Variants in PHF21A observed in about 807,000 individuals in gnomAD.
PHF21A encodes PHD finger protein 21A, also known as BHC80a.
Under a neutral mutation model 82.5 loss-of-function variants are expected in PHF21A, and 11 were observed. The observed-to-expected ratio is 0.13, with a 90% CI of 0.08 to 0.22. The LOEUF (loss-of-function observed/expected upper bound fraction) is 0.22, where lower values mean the gene tolerates loss of function less well. PHF21A is among the 10% of genes least tolerant of loss of function. PHF21A has a pLI of 1.00. For synonymous variants in PHF21A, 297 were observed against 302.8 expected, an observed-to-expected ratio of 0.98 and a Z score of 0.20; for missense variants, 579 against 837.8, an observed-to-expected ratio of 0.69 and a Z score of 3.81.
intron 4 of PHF21A, among the ~76,000 whole-genome samples, chr11:46,081,652 T>C (rs1160070376): frequency 6.6e-6 from 1 of 152,244 alleles, no homozygotes; most frequent in Non-Finnish European, 1.5e-5. Context: ...CTAGTAACTT[T>C]AAGCTGACAT....
At chr11:46,018,207 G>A (rs938052761) in intron 6 of PHF21A, among the ~76,000 whole-genome samples, 7 of 144,820 alleles carry the variant, frequency 4.8e-5, no homozygotes, top group African/African-American at 1.0e-4. Context: ...CTGAGATTGC[G>A]CCACTGCACT....
rs1433212497 is a variant in PHF21A at position 45,930,346 on chromosome 11, CAG to C, written c.*3620_*3621del. 6.6e-6 allele frequency: 1 copy of C among 152,394 alleles called. No individual in the cohort carries two copies. The highest frequency in any genetic ancestry group is 1.5e-5 in the Non-Finnish European group (1 of 68,146). 9.4% of individuals were successfully genotyped at this position (152,394 alleles called of 1,614,324 possible). A position where few individuals can be genotyped will look rare whatever the true frequency, so the allele number is the denominator to read the frequency against. On this transcript the variant is annotated 3_prime_UTR_variant, in exon 19 of 19. Coordinates refer to ENST00000676320, the MANE Select transcript of PHF21A (RefSeq NM_001352027.3). The stretch of plus-strand genomic sequence containing the variant: ...GGCCTGAGCCAAGCAGCAGCAGGGA[CAG>C]AGAGGCAGGTGTTGCAGGGAAACCA...
chr11:46,014,966 C>T (rs111899188), intron 6 of PHF21A, among the ~76,000 whole-genome samples: 8,082 of 115,872 alleles, frequency 0.07, 1,835 homozygotes, highest in South Asian at 0.1. Flanking sequence ...GGCGACAGAG[C>T]GAGACTCCGT....
chr11:46,034,493 G>C (rs1406440764), intron 6 of PHF21A, among the ~76,000 whole-genome samples: 1 of 151,980 alleles, frequency 6.6e-6, no homozygotes, highest in Non-Finnish European at 1.5e-5. Context: ...CACACTCCAA[G>C]ATAAAAAGAA....
chr11:46,040,664 T>C (rs1163290422), intron 6 of PHF21A, among the ~76,000 whole-genome samples: 1 of 152,164 alleles, frequency 6.6e-6, no homozygotes, highest in Non-Finnish European at 1.5e-5. Context: ...AACAAACCCT[T>C]GCTCACAATT....
chr11:46,059,476 A>T (rs2096504607), intron 6 of PHF21A, among the ~76,000 whole-genome samples: 1 of 152,022 alleles, frequency 6.6e-6, no homozygotes, highest in African/African-American at 2.4e-5. Context: ...CCCAGATGGG[A>T]GTGCAGTGGT....
rs867296247 is a variant in PHF21A at position 46,049,112 on chromosome 11, T to C, written c.153+27642A>G. On this transcript the variant is annotated intron_variant, in intron 6 of 18. Transcript: ENST00000676320. ...AGTTTTAGAAAGGAGAGATTATCAT[T>C]GTTGGGGCATTTTCCTCCTTTTCTC... Among the ~76,000 whole-genome samples the C allele has an allele frequency of 2.6e-5, 4 of 152,322 alleles. 1 individual carries two copies. In the Middle Eastern group the frequency reaches 0.01, roughly 389 times the overall value.
At chr11:45,934,247 G>A in intron 18 of PHF21A, 22 bp from the exon 19 acceptor site, 1 of 1,604,300 alleles carries the variant, frequency 6.2e-7, no homozygotes, top group East Asian at 2.2e-5. Flanking sequence ...GACAAGGGCA[G>A]TGGCACTGAG....
At chr11:45,960,583 G>T (rs1398727142) in intron 10 of PHF21A, among the ~76,000 whole-genome samples, 1 of 152,140 alleles carries the variant, frequency 6.6e-6, no homozygotes, top group Non-Finnish European at 1.5e-5. Flanking sequence ...TTATTTTGGG[G>T]TAATGAAAAT....
intron 10 of PHF21A, among the ~76,000 whole-genome samples, chr11:45,958,094 A>G (rs1332375066): frequency 6.6e-6 from 1 of 152,076 alleles, no homozygotes; most frequent in Non-Finnish European, 1.5e-5. Flanking sequence ...ACAGACCTGT[A>G]ACAACTAGTG....
intron 6 of PHF21A, among the ~76,000 whole-genome samples, chr11:46,005,750 A>G (rs572910282): frequency 9.2e-5 from 14 of 152,338 alleles, no homozygotes; most frequent in East Asian, 7.7e-4. Context: ...TTGTAGCACA[A>G]TTAAGCTTCC....
intron 6 of PHF21A, among the ~76,000 whole-genome samples, chr11:46,074,152 T>C (rs922995658): frequency 6.6e-6 from 1 of 152,116 alleles, no homozygotes; most frequent in African/African-American, 2.4e-5. Context: ...GATGCAACTT[T>C]TTTTAATAAA....
chr11:45,981,511 A>T (rs531847142), intron 6 of PHF21A, among the ~76,000 whole-genome samples: 157 of 152,176 alleles, frequency 1.0e-3, no homozygotes, highest in African/African-American at 3.7e-3. Flanking sequence ...AGCATATAAT[A>T]ACTATTTGGG....
chr11:45,978,541 T>A (rs577531822), intron 7 of PHF21A, among the ~76,000 whole-genome samples: 2 of 152,338 alleles, frequency 1.3e-5, no homozygotes, highest in African/African-American at 4.8e-5. Context: ...AACAGCCAAC[T>A]GAACTATACT....
chr11:46,035,133 C>T (rs2095967817), intron 6 of PHF21A, among the ~76,000 whole-genome samples: 1 of 152,164 alleles, frequency 6.6e-6, no homozygotes, highest in Non-Finnish European at 1.5e-5. Context: ...AATATGTCCG[C>T]TCTCTTTTTG....
At chr11:45,968,747 T>C (rs1010545348) in intron 9 of PHF21A, among the ~76,000 whole-genome samples, 1 of 151,540 alleles carries the variant, frequency 6.6e-6, no homozygotes. Flanking sequence ...CTGACCAACA[T>C]GACAAAACCC....
chr11:45,984,225 T>A (rs2094415673), intron 6 of PHF21A, among the ~76,000 whole-genome samples: 1 of 152,072 alleles, frequency 6.6e-6, no homozygotes, highest in African/African-American at 2.4e-5. Flanking sequence ...GAGAAAAAAT[T>A]AATAACTTAT....
At chr11:45,951,612 T>C (rs1312138752) in intron 11 of PHF21A, among the ~76,000 whole-genome samples, 1 of 152,174 alleles carries the variant, frequency 6.6e-6, no homozygotes. Flanking sequence ...CTTAGAAATA[T>C]AATCAAGATC....
At chr11:45,957,063 A>T (rs2092693489) in intron 10 of PHF21A, among the ~76,000 whole-genome samples, 1 of 152,218 alleles carries the variant, frequency 6.6e-6, no homozygotes, top group South Asian at 2.1e-4. Flanking sequence ...TACTGACAAA[A>T]GGGTCGATTC....
Sources: gnomAD v4.1 joint callset for allele counts (sites outside exome capture counted in the v4.1 genomes callset) on GRCh38, gnomAD v4.1.1 for gene constraint, MANE v1.5 for transcripts, NCBI Gene and HGNC (gene_info 2026-07-23, HGNC 2026-07-21) for gene names.